UTY: variants seen among roughly 807,000 people sequenced by gnomAD.
UTY encodes the protein ubiquitously transcribed tetratricopeptide repeat containing, Y-linked, also known as histone demethylase UTY.
A neutral mutation model predicts 32.5 loss-of-function variants in UTY; 12 were observed. The ratio of observed to expected loss-of-function variants is 0.37; its 90% CI spans 0.24 to 0.60. The LOEUF is 0.60. UTY is among the 20% of genes least tolerant of loss of function. The probability of loss-of-function intolerance (pLI) is 0.69; values close to 1 mark genes in which losing one functional copy is unlikely to be tolerated. For missense variants in UTY, 303 were observed against 299.2 expected, an observed-to-expected ratio of 1.01 and a Z score of -0.09; for synonymous variants, 131 against 103.4, an observed-to-expected ratio of 1.27 and a Z score of -1.62.
At chrY:13,383,301 A>C in intron 8 of UTY, among the ~76,000 whole-genome samples, 1 of 30,356 alleles carries the variant, frequency 3.3e-5, no homozygotes, top group Admixed American at 3.0e-4. Context: ...AAAAAAAAAA[A>C]CAACCAAAAA....
intron 17 of UTY, among the ~76,000 whole-genome samples, chrY:13,342,198 G>C (rs2061543096): frequency 3.0e-5 from 1 of 33,190 alleles, no homozygotes; most frequent in Non-Finnish European, 7.4e-5. Context: ...GAACTGCTGC[G>C]GGACACCAGT....
At chrY:13,396,875 T>C (rs72625384) in intron 7 of UTY, 43 bp downstream of exon 7, 1 of 258,534 alleles carries the variant, frequency 3.9e-6, no homozygotes, top group South Asian at 4.1e-5. Context: ...AAAGGTATCA[T>C]TAATATTCTT....
chrY:13,460,675 T>C (rs2077264814), intron 3 of UTY, among the ~76,000 whole-genome samples: 1 of 32,583 alleles, frequency 3.1e-5, no homozygotes, highest in African/African-American at 1.2e-4. Flanking sequence ...CACTCCAGAC[T>C]GGACGACAGA....
At chrY:13,419,156 G>T in intron 4 of UTY, among the ~76,000 whole-genome samples, 3 of 33,311 alleles carry the variant, frequency 9.0e-5, no homozygotes, top group Non-Finnish European at 1.5e-4. Flanking sequence ...AAACCTGCTT[G>T]GGTAATACCC....
chrY:13,313,919 CA>C (rs2059346878), intron 21 of UTY, among the ~76,000 whole-genome samples: 3 of 33,436 alleles, frequency 9.0e-5, no homozygotes, highest in Admixed American at 5.5e-4. Flanking sequence ...AGCTGGTGGC[CA>C]TAATTCTAAG....
intron 24 of UTY, among the ~76,000 whole-genome samples, chrY:13,304,969 T>G: frequency 3.2e-5 from 1 of 31,054 alleles, no homozygotes; most frequent in Non-Finnish European, 7.8e-5. Context: ...AAAAGAAATG[T>G]TTGCTTAAAA....
At chrY:13,351,399 A>AT (rs1358385370) in intron 17 of UTY, among the ~76,000 whole-genome samples, 1 of 33,247 alleles carries the variant, frequency 3.0e-5, no homozygotes, top group Non-Finnish European at 7.4e-5. Flanking sequence ...TCTGATTTCC[A>AT]TACTACCTAA....
chrY:13,405,409 C>G, intron 6 of UTY, among the ~76,000 whole-genome samples: 1 of 32,286 alleles, frequency 3.1e-5, no homozygotes, highest in African/African-American at 1.2e-4. Context: ...TCATCAGAGG[C>G]CAGCAAAGAT....
intron 27 of UTY, among the ~76,000 whole-genome samples, chrY:13,266,536 C>T: frequency 3.0e-5 from 1 of 32,892 alleles, no homozygotes; most frequent in Non-Finnish European, 7.4e-5. Context: ...TTAGTTACTT[C>T]TTGTCTTCTG....
At chrY:13,418,772 C>T (rs2072132753) in intron 4 of UTY, among the ~76,000 whole-genome samples, 3 of 33,718 alleles carry the variant, frequency 8.9e-5, no homozygotes, top group Admixed American at 2.7e-4. Flanking sequence ...GGTTTTTAGA[C>T]GTCACTAATT....
chrY:13,375,958 A>ACTGT (rs2065353875), intron 8 of UTY, among the ~76,000 whole-genome samples: 1 of 33,891 alleles, frequency 3.0e-5, no homozygotes, highest in Non-Finnish European at 7.4e-5. Flanking sequence ...TGTGTAACTT[A>ACTGT]CCAGACATAA....
At chrY:13,380,059 GTGTATATATATA>G (rs57279253) in intron 8 of UTY, among the ~76,000 whole-genome samples, 26 of 7,290 alleles carry the variant, frequency 3.6e-3, no homozygotes, top group African/African-American at 0.029. Context: ...GTGTGTGTGT[GTGTATATATATA>G]TATATATATA....
chrY:13,366,679 GA>G (rs2064193146), intron 9 of UTY, among the ~76,000 whole-genome samples: 1 of 33,592 alleles, frequency 3.0e-5, no homozygotes, highest in Admixed American at 2.7e-4. Context: ...ATTTAGTTTG[GA>G]AAAAAATGCA....
At chrY:13,443,308 G>A (rs2075393155) in intron 4 of UTY, among the ~76,000 whole-genome samples, 3 of 32,969 alleles carry the variant, frequency 9.1e-5, no homozygotes, top group South Asian at 6.9e-4. Context: ...CCAGACCCCC[G>A]CATATTTCTG....
At chrY:13,479,491 A>C in intron 1 of UTY, 23 bp downstream of exon 1, 1 of 398,443 alleles carries the variant, frequency 2.5e-6, no homozygotes, top group African/African-American at 6.2e-5. Flanking sequence ...CCAGCCAACC[A>C]GGCGGGTGAT....
chrY:13,261,091 T>G, intron 27 of UTY, among the ~76,000 whole-genome samples: 2 of 33,587 alleles, frequency 6.0e-5, no homozygotes, highest in Middle Eastern at 0.013. Flanking sequence ...CAAAACTGCC[T>G]GCTAAAGTTT....
chrY:13,449,652 A>G (rs762663409), intron 3 of UTY, among the ~76,000 whole-genome samples: 1 of 33,509 alleles, frequency 3.0e-5, no homozygotes, highest in Non-Finnish European at 7.4e-5. Flanking sequence ...CATTAGAATT[A>G]GTGGAAACAT....
intron 3 of UTY, among the ~76,000 whole-genome samples, chrY:13,469,774 T>C: frequency 5.9e-5 from 2 of 33,746 alleles, no homozygotes; most frequent in Non-Finnish European, 1.5e-4. Flanking sequence ...TTTCCTGATC[T>C]TTCCAAAATG....
chrY:13,250,984 CTAAT>C (rs1226847988), intron 29 of UTY, 29 bp downstream of exon 29: 41 of 389,369 alleles, frequency 1.1e-4, no homozygotes, highest in Non-Finnish European at 1.4e-4. Flanking sequence ...TTAAACCCAC[CTAAT>C]TAAGTGTACT....
Sources: allele counts gnomAD v4.1 joint callset (sites outside exome capture counted in the v4.1 genomes callset), GRCh38; gene constraint gnomAD v4.1.1; transcripts MANE v1.5; gene names NCBI Gene and HGNC (gene_info 2026-07-23, HGNC 2026-07-21).